The following CDKL2 variants were observed in gnomAD, a reference collection of about 807,000 sequenced individuals.
CDKL2 encodes cyclin-dependent kinase-like 2.
A neutral mutation model predicts 63.9 loss-of-function variants in CDKL2; 64 were observed. The observed-to-expected ratio is 1.00, with a 90% CI of 0.82 to 1.23. The LOEUF (loss-of-function observed/expected upper bound fraction) is 1.23, where lower values mean the gene tolerates loss of function less well. Among genes scored for constraint, CDKL2 ranks in the 50% most tolerant of loss-of-function variants. The probability of loss-of-function intolerance (pLI) is 0.00; values close to 1 mark genes in which losing one functional copy is unlikely to be tolerated. For missense variants in CDKL2, 656 were observed against 668.0 expected (o/e 0.98, Z 0.20); for synonymous variants, 211 against 229.2 (o/e 0.92, Z 0.72).
chr4:75,592,921 T>G (rs1006947290), intron 10 of CDKL2, among the ~76,000 whole-genome samples: 3 of 152,244 alleles, frequency 2.0e-5, no homozygotes, highest in African/African-American at 7.2e-5. Flanking sequence ...AGCACTTCAA[T>G]TCTGCATCCT....
chr4:75,582,532 G>A (rs1728305861), intron 12 of CDKL2, among the ~76,000 whole-genome samples: 1 of 151,946 alleles, frequency 6.6e-6, no homozygotes, highest in Non-Finnish European at 1.5e-5. Context: ...CAGAGTCTCG[G>A]GAACCTATGA....
chr4:75,625,145 T>C (rs1476764767), intron 2 of CDKL2, among the ~76,000 whole-genome samples: 1 of 152,122 alleles, frequency 6.6e-6, no homozygotes, highest in Non-Finnish European at 1.5e-5. Context: ...TGAACATATA[T>C]GAAATACGTT....
Position 75,626,057 on chromosome 4 carries a change from G to A in CDKL2, c.-29-40C>T, listed in dbSNP as rs1037510501. 2.3e-5 allele frequency: 29 copies of A among 1,269,362 alleles called. No individual in the cohort carries two copies. The African/African-American group carries it at 2.4e-4, about 10-fold the overall frequency. 78.6% of individuals were successfully genotyped at this position (1,269,362 alleles called of 1,614,324 possible). ...ACATAGATTTAACAAAGTTGAGTAC[G>A]TTAATTTCCTCCGCCTTCCCAGCAA... On this transcript the variant is annotated intron_variant, in intron 1 of 13. Transcript: ENST00000307465.
chr4:75,598,184 G>A lies in CDKL2; in HGVS notation c.913C>T (p.Gln305Ter). The change falls in exon 8 of 14, where the codon CAG becomes TAG. Residue 305 changes from glutamine to a stop codon, truncating the protein, a stop_gained. Transcript: ENST00000307465. LOFTEE classifies it high-confidence loss of function. ...RFSQELQLKV[Q>*]KDARNVSLSK... Reference sequence around the variant, plus strand: ...AAAGAAACATTTCTGGCATCTTTCTGTACTTTTAACTGTAGTTCTTGGGAA... The same window carrying A: ...AAAGAAACATTTCTGGCATCTTTCTATACTTTTAACTGTAGTTCTTGGGAA... The A allele has an allele frequency of 1.3e-6, 2 of 1,508,884 alleles. No homozygotes were observed. Among genetic ancestry groups the A allele is most frequent in the Non-Finnish European group, 1.8e-6 (2 of 1,104,620 alleles). The allele number at this position is 1,508,884 out of a possible 1,614,324, so 93.5% of individuals were successfully genotyped here. A position where few individuals can be genotyped will look rare whatever the true frequency, so the allele number is the denominator to read the frequency against.
chr4:75,579,676 C>CA (rs1368485784), intron 13 of CDKL2, among the ~76,000 whole-genome samples: 20 of 151,386 alleles, frequency 1.3e-4, no homozygotes, highest in African/African-American at 4.4e-4. Flanking sequence ...AACTCCGTCT[C>CA]AAAAAAAAGA....
At position 75,611,158 on chromosome 4, in the gene CDKL2, G is replaced by A. The variant is rs1578342359; in HGVS notation, c.363+3097C>T. ...GAGGGTAAGAAATCACAATCTAGAA[G>A]AGTTTAAGAGTAAATGGAGGCTGGG... is the stretch of plus-strand genomic sequence containing the variant. On this transcript the variant is annotated intron_variant, in intron 3 of 13. Coordinates refer to ENST00000307465, the MANE Select transcript of CDKL2 (RefSeq NM_001330724.2). 2.0e-5 allele frequency among the ~76,000 whole-genome samples: 3 copies of A among 152,206 alleles called. No individual in the cohort carries two copies. The East Asian group carries it at 5.8e-4, about 29-fold the overall frequency.
intron 12 of CDKL2, among the ~76,000 whole-genome samples, chr4:75,589,833 T>G (rs1728632468): frequency 6.6e-6 from 1 of 151,828 alleles, no homozygotes; most frequent in Non-Finnish European, 1.5e-5. Flanking sequence ...AAAAATTGTG[T>G]TAGCTGGGCA....
chr4:75,617,266 G>A lies in CDKL2; in HGVS notation c.169-2817C>T, dbSNP rs1227295940. The stretch of plus-strand genomic sequence containing the variant: ...ACAGACATTTTACAATGTAAAAGAA[G>A]CGTTGCCAAGAAAAAAATAAAAGTT... On this transcript the variant is annotated intron_variant, in intron 2 of 13. Transcript: ENST00000307465. Among the ~76,000 whole-genome samples, 7 of 151,986 alleles carry A rather than the reference G, an allele frequency of 4.6e-5. No individual in the cohort carries two copies. In the South Asian group the frequency reaches 6.2e-4, roughly 14 times the overall value.
intron 13 of CDKL2, among the ~76,000 whole-genome samples, chr4:75,581,249 A>G (rs1449303702): frequency 6.6e-6 from 1 of 152,196 alleles, no homozygotes; most frequent in Admixed American, 6.5e-5. Flanking sequence ...CTATGTTTTG[A>G]TATATGAATA....
chr4:75,609,945 T>C (rs1269234929), intron 3 of CDKL2, among the ~76,000 whole-genome samples: 2 of 151,764 alleles, frequency 1.3e-5, no homozygotes, highest in Admixed American at 1.3e-4. Context: ...GGCTCACACC[T>C]GTAATCCCAG....
At chr4:75,590,419 A>G (rs550886990) in intron 12 of CDKL2, among the ~76,000 whole-genome samples, 1 of 152,332 alleles carries the variant, frequency 6.6e-6, no homozygotes, top group South Asian at 2.1e-4. Flanking sequence ...GAACTATTGA[A>G]GAGTTAACAG....
At chr4:75,595,791 C>T (rs750426385) in intron 10 of CDKL2, among the ~76,000 whole-genome samples, 2 of 151,494 alleles carry the variant, frequency 1.3e-5, no homozygotes, top group African/African-American at 2.4e-5. Flanking sequence ...TAGCTGGGTG[C>T]GGTGGCAGGC....
chr4:75,600,750 C>T (rs1270129592), intron 6 of CDKL2, among the ~76,000 whole-genome samples: 2 of 152,200 alleles, frequency 1.3e-5, no homozygotes, highest in Non-Finnish European at 2.9e-5. Context: ...CAAGCCACCA[C>T]ACTTGCCCGC....
At chr4:75,608,147 A>C (rs1488312646) in intron 3 of CDKL2, among the ~76,000 whole-genome samples, 4 of 49,958 alleles carry the variant, frequency 8.0e-5, no homozygotes, top group East Asian at 8.1e-4. Flanking sequence ...TTTTTTAGGC[A>C]TCGTCTTGCT....
intron 3 of CDKL2, 50 bp from the exon 4 acceptor site, chr4:75,607,411 G>A: frequency 4.9e-6 from 7 of 1,441,228 alleles, no homozygotes; most frequent in Non-Finnish European, 6.7e-6. Flanking sequence ...TAATTATTTT[G>A]GGGCACCTGC....
chr4:75,579,978 A>G (rs889822973), intron 13 of CDKL2, among the ~76,000 whole-genome samples: 3 of 152,158 alleles, frequency 2.0e-5, no homozygotes, highest in African/African-American at 7.2e-5. Context: ...TAATTCCAAT[A>G]ATACAGTTAG....
chr4:75,614,859 A>G (rs996349598), intron 2 of CDKL2, among the ~76,000 whole-genome samples: 5 of 118,632 alleles, frequency 4.2e-5, no homozygotes, highest in African/African-American at 2.0e-4. Context: ...AGCCAGTGAC[A>G]TACCCTGAAA....
At chr4:75,580,282 T>A (rs1728204085) in intron 13 of CDKL2, among the ~76,000 whole-genome samples, 1 of 151,930 alleles carries the variant, frequency 6.6e-6, no homozygotes, top group South Asian at 2.1e-4. Flanking sequence ...AATACAGTTG[T>A]GAGAATGTGG....
chr4:75,625,790 AT>A, intron 2 of CDKL2, 30 bp downstream of exon 2: 3 of 1,535,812 alleles, frequency 2.0e-6, no homozygotes, highest in Middle Eastern at 1.8e-4. Context: ...TTATACTCAT[AT>A]TTTTTGATTC....
Sources: allele counts gnomAD v4.1 joint callset (sites outside exome capture counted in the v4.1 genomes callset), GRCh38; gene constraint gnomAD v4.1.1; transcripts MANE v1.5; gene names NCBI Gene and HGNC (gene_info 2026-07-23, HGNC 2026-07-21).